Variants in PRMT8 observed in about 807,000 individuals in gnomAD.
PRMT8 encodes protein arginine N-methyltransferase 8.
Under a neutral mutation model 47.1 loss-of-function variants are expected in PRMT8, and 7 were observed. The ratio of observed to expected loss-of-function variants is 0.15; its 90% confidence interval spans 0.08 to 0.28. The LOEUF is 0.28. Among genes scored for constraint, PRMT8 ranks in the 10% least tolerant of loss-of-function variants. The pLI is 1.00. For synonymous variants in PRMT8, 188 were observed against 186.5 expected, an observed-to-expected ratio of 1.01 and a Z score of -0.07; for missense variants, 237 against 505.4, an observed-to-expected ratio of 0.47 and a Z score of 5.09.
In PRMT8 at chr12:3,436,168, G is replaced by A. The variant is rs971480506; in HGVS notation, c.48+54726G>A. Among the ~76,000 whole-genome samples, 9 of 152,140 alleles carry A rather than the reference G, an allele frequency of 5.9e-5. No individual in the cohort carries two copies. Among genetic ancestry groups the A allele is most frequent in the Non-Finnish European group, 5.9e-5 (4 of 68,020 alleles). On this transcript the variant is annotated intron_variant, in intron 1 of 9. Transcript: ENST00000452611. The surrounding 1 kb of genome is among the most constrained non-coding windows in gnomAD (Gnocchi z 4.2). ...TACCTGCTTATAAAAAAGTCAAGTC[G>A]TCCCCTCCCGTTTGTGACCTTGTGA...
chr12:3,518,238 T>A (rs1865826506), intron 1 of PRMT8, among the ~76,000 whole-genome samples: 1 of 152,006 alleles, frequency 6.6e-6, no homozygotes, highest in South Asian at 2.1e-4. Flanking sequence ...TACCTAAACT[T>A]GAGGGAAGAA....
At chr12:3,425,376 C>T (rs983755049) in intron 1 of PRMT8, among the ~76,000 whole-genome samples, 4 of 152,214 alleles carry the variant, frequency 2.6e-5, no homozygotes, top group African/African-American at 4.8e-5. Context: ...TTAGAAACCC[C>T]GTCTAGTTGT....
intron 1 of PRMT8, among the ~76,000 whole-genome samples, chr12:3,473,044 G>T (rs751338738): frequency 1.3e-5 from 2 of 152,076 alleles, no homozygotes; most frequent in Non-Finnish European, 2.9e-5. Flanking sequence ...CATGCCCCAG[G>T]CGCTTTCAAT....
At chr12:3,590,520 T>G (rs74056248) in intron 8 of PRMT8, among the ~76,000 whole-genome samples, 2,004 of 152,200 alleles carry the variant, frequency 0.013, 43 homozygotes, top group African/African-American at 0.045. Flanking sequence ...GCCTTTGTTC[T>G]GCCCCCAAAG....
intron 1 of PRMT8, among the ~76,000 whole-genome samples, chr12:3,423,005 T>C (rs1591545146): frequency 6.6e-6 from 1 of 152,224 alleles, no homozygotes; most frequent in East Asian, 1.9e-4. Context: ...TTTGAAGAAG[T>C]ACAGGTAGCA....
intron 1 of PRMT8, among the ~76,000 whole-genome samples, chr12:3,423,691 C>T (rs927094406): frequency 6.6e-6 from 1 of 152,204 alleles, no homozygotes; most frequent in African/African-American, 2.4e-5. Flanking sequence ...GGGGGCCATC[C>T]AGTCCCAGTG....
intron 1 of PRMT8, among the ~76,000 whole-genome samples, chr12:3,476,304 TCTC>T (rs1865213131): frequency 6.6e-6 from 1 of 152,152 alleles, no homozygotes; most frequent in African/African-American, 2.4e-5. Context: ...CAGGGTGAGT[TCTC>T]CTCTATGTAG....
At chr12:3,407,959 C>T (rs1413173436) in intron 1 of PRMT8, among the ~76,000 whole-genome samples, 1 of 151,840 alleles carries the variant, frequency 6.6e-6, no homozygotes, top group East Asian at 1.9e-4. Context: ...TTCAGGATTT[C>T]TGTTTGGTTG....
intron 1 of PRMT8, among the ~76,000 whole-genome samples, chr12:3,415,928 C>T (rs1031504547): frequency 6.6e-6 from 1 of 152,172 alleles, no homozygotes; most frequent in African/African-American, 2.4e-5. Context: ...ACAGGGCTCT[C>T]CCCGCAGGAC....
chr12:3,429,637 G>A (rs1864652443), intron 1 of PRMT8, among the ~76,000 whole-genome samples: 1 of 152,202 alleles, frequency 6.6e-6, no homozygotes, highest in Non-Finnish European at 1.5e-5. Flanking sequence ...TGACAGTACA[G>A]GCATGTCATG....
chr12:3,531,853 C>T (rs544639122), intron 1 of PRMT8, among the ~76,000 whole-genome samples: 9 of 152,308 alleles, frequency 5.9e-5, no homozygotes, highest in African/African-American at 1.9e-4. Context: ...GTCCTTGGCC[C>T]GGCTCTGGGA....
chr12:3,405,197 C>CA (rs1032616272), intron 1 of PRMT8, among the ~76,000 whole-genome samples: 6 of 152,152 alleles, frequency 3.9e-5, no homozygotes, highest in African/African-American at 1.4e-4. Context: ...AAGTGCCAAG[C>CA]AAAGGGGGAA....
At chr12:3,553,843 C>A (rs1866472784) in intron 4 of PRMT8, 129 bp downstream of exon 4, 1 of 827,612 alleles carries the variant, frequency 1.2e-6, no homozygotes, top group Non-Finnish European at 2.0e-6. Context: ...CCAGCTGAGG[C>A]CCCCGCCAGC....
In PRMT8 at chr12:3,569,058, C is replaced by T. The variant is rs185354688; in HGVS notation, c.624+210C>T. Among the ~76,000 whole-genome samples the T allele has an allele frequency of 2.6e-4, 39 of 152,200 alleles. No individual in the cohort carries two copies. The highest frequency in any genetic ancestry group is 3.9e-4 in the Admixed American group (6 of 15,306). ...ATGTGTAACCATCAGAGTGGACTTC[C>T]GTGGGTCTCACCGCAGCCTCTTTTG... On this transcript the variant is annotated intron_variant, in intron 5 of 9. Transcript: ENST00000382622. The surrounding 1 kb of genome is among the most constrained non-coding windows in gnomAD (Gnocchi z 8.2).
intron 8 of PRMT8, among the ~76,000 whole-genome samples, chr12:3,589,282 T>A (rs1187793033): frequency 1.3e-5 from 2 of 152,228 alleles, no homozygotes; most frequent in Admixed American, 1.3e-4. Flanking sequence ...TTGATCACCC[T>A]TAGTCTATGA....
intron 1 of PRMT8, among the ~76,000 whole-genome samples, chr12:3,480,527 A>G (rs139269242): frequency 5.1e-4 from 77 of 152,254 alleles, no homozygotes; most frequent in African/African-American, 1.4e-3. Flanking sequence ...GCATACCTTA[A>G]CCACTCCCCA....
Position 3,491,397 on chromosome 12 carries a change from C to G in PRMT8, c.-229C>G. ...GAGGGGGTCGGGGGCACGAGAAGAA[C>G]TTGAAACCGTGTGAAGGAATCCGGA... is the stretch of plus-strand genomic sequence containing the variant. On this transcript the variant is annotated 5_prime_UTR_variant, in exon 1 of 10. Transcript: ENST00000382622. 1 of 1,267,950 alleles carries G rather than the reference C, an allele frequency of 7.9e-7. No individual in the cohort carries two copies. Among genetic ancestry groups the G allele is most frequent in the Admixed American group, 3.5e-5 (1 of 28,646 alleles). 78.5% of individuals were successfully genotyped at this position (1,267,950 alleles called of 1,614,324 possible).
At chr12:3,592,393 C>T (rs764716847) in intron 9 of PRMT8, 41 bp downstream of exon 9, 2 of 1,581,698 alleles carry the variant, frequency 1.3e-6, no homozygotes, top group African/African-American at 1.4e-5. Flanking sequence ...GAGAAGGGCC[C>T]CACAGAGCTG....
intron 1 of PRMT8, among the ~76,000 whole-genome samples, chr12:3,523,757 T>C (rs1865914909): frequency 6.6e-6 from 1 of 152,144 alleles, no homozygotes; most frequent in Non-Finnish European, 1.5e-5. Flanking sequence ...AAAACAGAAA[T>C]GCATGGGGAA....
Sources: allele counts gnomAD v4.1 joint callset (sites outside exome capture counted in the v4.1 genomes callset), GRCh38; gene constraint gnomAD v4.1.1; non-coding constraint Gnocchi (gnomAD v3.1); transcripts MANE v1.5; gene names NCBI Gene and HGNC (gene_info 2026-07-23, HGNC 2026-07-21).